LARGE1: variants seen among roughly 807,000 people sequenced by gnomAD.
The protein encoded by LARGE1 is LARGE xylosyl- and glucuronyltransferase 1.
Under a neutral mutation model 87.6 loss-of-function variants are expected in LARGE1, and 43 were observed. That is an observed-to-expected ratio of 0.49 (90% CI 0.38 to 0.63). LARGE1 has a LOEUF of 0.63. Among genes scored for constraint, LARGE1 ranks in the 30% least tolerant of loss-of-function variants. The pLI, the probability that LARGE1 is intolerant of heterozygous loss-of-function variation, is 0.00. For synonymous variants in LARGE1, 434 were observed against 394.6 expected (o/e 1.10, Z -1.18); for missense variants, 802 against 1,000.2 (o/e 0.80, Z 2.67).
intron 12 of LARGE1, among the ~76,000 whole-genome samples, chr22:33,290,963 T>C (rs1932433697): frequency 6.6e-6 from 1 of 151,158 alleles, no homozygotes; most frequent in Non-Finnish European, 1.5e-5. Flanking sequence ...CGTTTGAACC[T>C]GGGAGGCAGA....
In LARGE1 at chr22:33,640,130, C is replaced by A. The variant is rs142722291; in HGVS notation, c.408+10237G>T. The stretch of plus-strand genomic sequence containing the variant: ...AGCTTCAGCACTTGGAACCAAAAAG[C>A]GCTGTGATGAAGGGAGTTTCTATTT... On this transcript the variant is annotated intron_variant, in intron 3 of 14. Transcript: ENST00000397394. Among the ~76,000 whole-genome samples, 590 of 152,316 alleles carry A rather than the reference C, an allele frequency of 3.9e-3. 4 individuals carry two copies. Among genetic ancestry groups the A allele is most frequent in the African/African-American group, 0.014 (573 of 41,564 alleles).
Position 33,516,627 on chromosome 22 carries a change from C to T in LARGE1, c.787+48221G>A, listed in dbSNP as rs118045470. On this transcript the variant is annotated intron_variant, in intron 6 of 14. Transcript: ENST00000397394. ...TTATTTTTGAGACAGTCTCCTTCTG[C>T]CATCAGGCTGGAGTGCAGTGGTGCC... Among the ~76,000 whole-genome samples, 507 of 148,560 alleles carry T rather than the reference C, an allele frequency of 3.4e-3. 6 individuals are homozygous for T. The highest frequency in any genetic ancestry group is 0.022 in the South Asian group (101 of 4,552).
At chr22:33,700,111 A>T (rs2082363228) in intron 2 of LARGE1, among the ~76,000 whole-genome samples, 1 of 152,172 alleles carries the variant, frequency 6.6e-6, no homozygotes, top group Non-Finnish European at 1.5e-5. Context: ...GAAAGGCAAC[A>T]AATCTACGTA....
At chr22:33,253,939 A>G (rs1428679772) in intron 11 of LARGE1, among the ~76,000 whole-genome samples, 1 of 150,846 alleles carries the variant, frequency 6.6e-6, no homozygotes, top group Non-Finnish European at 1.5e-5. Flanking sequence ...AAGAACGCTA[A>G]ATCTTTAGCT....
In LARGE1 at chr22:33,337,656, T is replaced by G. The variant is rs369552267; in HGVS notation, c.1277A>C (p.Asn426Thr). Residue 426 changes from asparagine to threonine, a missense_variant, in exon 10 of 15, where the codon AAC (asparagine) becomes ACC (threonine). Coordinates refer to ENST00000397394, the MANE Select transcript of LARGE1 (RefSeq NM_133642.5). ...TTGCGAGCCACTTACGTTTTCACTG[T>G]TGACATCAGCCTCACTGGGGCAGCC... ...LFGCPSEADV[N>T]SENLQKQLSE... 1.2e-5 allele frequency: 20 copies of G among 1,614,024 alleles called. No individual in the cohort carries two copies. The African/African-American group carries it at 2.5e-4, about 20-fold the overall frequency.
the LARGE1 span, among the ~76,000 whole-genome samples, chr22:33,104,561 G>GTGAT: frequency 6.6e-6 from 1 of 152,190 alleles, no homozygotes; most frequent in Non-Finnish European, 1.5e-5. Context: ...GGTAAGGGGA[G>GTGAT]TGATTTAAGC....
intron 5 of LARGE1, among the ~76,000 whole-genome samples, chr22:33,583,815 T>C (rs2078590033): frequency 6.6e-6 from 1 of 152,184 alleles, no homozygotes; most frequent in Non-Finnish European, 1.5e-5. Flanking sequence ...GAACACACTT[T>C]GTGATAGATA....
intron 7 of LARGE1, among the ~76,000 whole-genome samples, chr22:33,397,777 G>C (rs1433799214): frequency 6.6e-6 from 1 of 152,162 alleles, no homozygotes; most frequent in Non-Finnish European, 1.5e-5. Flanking sequence ...TATTCCAATT[G>C]CTCCGCAGTC....
chr22:33,766,351 C>T (rs554103062), intron 1 of LARGE1, among the ~76,000 whole-genome samples: 5 of 152,238 alleles, frequency 3.3e-5, no homozygotes, highest in South Asian at 2.1e-4. Context: ...CTCCATCTGT[C>T]GTCTCCCATC....
intron 12 of LARGE1, among the ~76,000 whole-genome samples, chr22:33,296,552 TTTTTC>T (rs1476965486): frequency 2.0e-5 from 3 of 150,432 alleles, no homozygotes; most frequent in Non-Finnish European, 4.4e-5. Flanking sequence ...CCAGTTATCC[TTTTTC>T]TTTTTTCTTT....
At chr22:33,821,734 T>C (rs2086826067) in intron 1 of LARGE1, among the ~76,000 whole-genome samples, 1 of 94,702 alleles carries the variant, frequency 1.1e-5, no homozygotes. Flanking sequence ...TGTGTGCATG[T>C]ATACATACAT....
intron 2 of LARGE1, among the ~76,000 whole-genome samples, chr22:33,720,488 A>G (rs143240284): frequency 2.6e-5 from 4 of 152,306 alleles, no homozygotes; most frequent in East Asian, 3.9e-4. Flanking sequence ...TGTACACTCT[A>G]TGATATTTAT....
intron 10 of LARGE1, among the ~76,000 whole-genome samples, chr22:33,331,322 A>G (rs1937659751): frequency 6.6e-6 from 1 of 152,018 alleles, no homozygotes; most frequent in South Asian, 2.1e-4. Context: ...GTCATTATCA[A>G]TTTCCCAGTG....
chr22:33,263,357 CT>C (rs1927751488), intron 11 of LARGE1, among the ~76,000 whole-genome samples: 1 of 152,200 alleles, frequency 6.6e-6, no homozygotes, highest in Non-Finnish European at 1.5e-5. Flanking sequence ...TGTGATTATG[CT>C]GTGTTATAGA....
At chr22:33,131,536 G>T in the LARGE1 span, among the ~76,000 whole-genome samples, 9,350 of 152,270 alleles carry the variant, frequency 0.061, 292 homozygotes, top group Middle Eastern at 0.14. Context: ...CATGGCTGGG[G>T]AGGCCTCACA....
chr22:33,762,913 A>G (rs556324979), intron 1 of LARGE1, among the ~76,000 whole-genome samples: 2 of 152,328 alleles, frequency 1.3e-5, no homozygotes, highest in South Asian at 4.1e-4. Context: ...AGCGGAACTC[A>G]CCCACTGCAC....
chr22:33,311,003 C>T (rs935120194), intron 11 of LARGE1, among the ~76,000 whole-genome samples: 1 of 151,802 alleles, frequency 6.6e-6, no homozygotes, highest in African/African-American at 2.4e-5. Flanking sequence ...CTTTGTTGCC[C>T]AGGCTGGAGT....
intron 9 of LARGE1, among the ~76,000 whole-genome samples, chr22:33,338,847 C>T (rs750116084): frequency 3.3e-5 from 5 of 151,976 alleles, no homozygotes; most frequent in South Asian, 2.1e-4. Context: ...AATGGAGAGA[C>T]GATCAAGAAT....
intron 1 of LARGE1, among the ~76,000 whole-genome samples, chr22:33,831,547 G>A (rs2062969035): frequency 6.6e-6 from 1 of 152,062 alleles, no homozygotes; most frequent in South Asian, 2.1e-4. Context: ...TCCCTAAGTG[G>A]CCCCTGGGGC....
Sources: gnomAD v4.1 joint callset for allele counts (sites outside exome capture counted in the v4.1 genomes callset) on GRCh38, gnomAD v4.1.1 for gene constraint, MANE v1.5 for transcripts, NCBI Gene and HGNC (gene_info 2026-07-23, HGNC 2026-07-21) for gene names.